BABAM2: variants seen among roughly 807,000 people sequenced by gnomAD.
The protein encoded by BABAM2 is BRISC and BRCA1-A complex member 2.
BABAM2 carries 31 observed loss-of-function variants against 54.7 expected under a neutral mutation model. The observed-to-expected ratio is 0.57, with a 90% CI of 0.43 to 0.77. The LOEUF (loss-of-function observed/expected upper bound fraction) is 0.77. Ranked by LOEUF, BABAM2 falls within the 30% of genes least tolerant of loss-of-function variation. BABAM2 has a pLI of 0.00. For synonymous variants in BABAM2, 167 were observed against 162.9 expected, an observed-to-expected ratio of 1.03 and a Z score of -0.19; for missense variants, 364 against 455.8, an observed-to-expected ratio of 0.80 and a Z score of 1.83.
chr2:28,027,734 C>T (rs1675978349), intron 5 of BABAM2, among the ~76,000 whole-genome samples: 1 of 152,142 alleles, frequency 6.6e-6, no homozygotes, highest in Non-Finnish European at 1.5e-5. Context: ...GTTGTTTCCA[C>T]TTTTTGACTT....
rs550884730 is a variant in BABAM2 at position 27,923,095 on chromosome 2, A to G, written c.129-6737A>G. Among the ~76,000 whole-genome samples the G allele has an allele frequency of 1.2e-3, 179 of 152,320 alleles. 1 individual carries two copies. The highest frequency in any genetic ancestry group is 1.4e-3 in the Non-Finnish European group (92 of 68,038). On this transcript the variant is annotated intron_variant, in intron 2 of 11. Coordinates refer to ENST00000379624, the MANE Select transcript of BABAM2 (RefSeq NM_199191.3). ...AACTGCCCAGCCAAGCCATTCCCAA[A>G]TTCCGACCCAAAGAAACTGTGAAAG...
At chr2:28,266,413 G>A (rs1010732055) in intron 10 of BABAM2, among the ~76,000 whole-genome samples, 2 of 152,238 alleles carry the variant, frequency 1.3e-5, no homozygotes, top group African/African-American at 4.8e-5. Flanking sequence ...TGGTCACTGA[G>A]TTAATTCAAA....
At chr2:27,936,542 C>T (rs560463093) in intron 3 of BABAM2, among the ~76,000 whole-genome samples, 14 of 152,230 alleles carry the variant, frequency 9.2e-5, no homozygotes, top group Non-Finnish European at 1.9e-4. Context: ...AGACTTGGAA[C>T]CAACCCAAAT....
At chr2:28,051,672 G>A (rs1206903694) in intron 6 of BABAM2, among the ~76,000 whole-genome samples, 1 of 151,640 alleles carries the variant, frequency 6.6e-6, no homozygotes, top group Non-Finnish European at 1.5e-5. Flanking sequence ...TTTTGAGACA[G>A]AGTTTTGCTC....
intron 7 of BABAM2, among the ~76,000 whole-genome samples, chr2:28,182,704 A>G (rs1169009194): frequency 1.3e-5 from 2 of 152,242 alleles, no homozygotes; most frequent in East Asian, 1.9e-4. Context: ...TGTAGACTAA[A>G]TAAATAACAT....
rs915464632 is a variant in BABAM2 at position 28,316,252 on chromosome 2, C to T, written c.1088+17761C>T. ...TTCCCCATATTTGGGGAAGGAGGCT[C>T]ACCTGCCTGCTAGCCTTGTCTCTCG... is the stretch of plus-strand genomic sequence containing the variant. On this transcript the variant is annotated intron_variant, in intron 11 of 11. Coordinates refer to ENST00000379624, the MANE Select transcript of BABAM2 (RefSeq NM_199191.3). 3.3e-5 allele frequency among the ~76,000 whole-genome samples: 5 copies of T among 152,112 alleles called. No individual in the cohort carries two copies. The South Asian group carries it at 6.2e-4, about 19-fold the overall frequency.
At chr2:28,117,926 G>T (rs1483075583) in intron 6 of BABAM2, among the ~76,000 whole-genome samples, 1 of 152,178 alleles carries the variant, frequency 6.6e-6, no homozygotes, top group African/African-American at 2.4e-5. Flanking sequence ...CGATTTAAGT[G>T]AATACATCTT....
chr2:27,932,931 C>T (rs534611420), intron 3 of BABAM2, among the ~76,000 whole-genome samples: 1 of 152,358 alleles, frequency 6.6e-6, no homozygotes, highest in African/African-American at 2.4e-5. Context: ...ATTAACTACT[C>T]TCCTCCCTTC....
At chr2:28,027,753 A>T (rs1389493328) in intron 5 of BABAM2, among the ~76,000 whole-genome samples, 2 of 152,196 alleles carry the variant, frequency 1.3e-5, no homozygotes, top group African/African-American at 2.4e-5. Context: ...TTTTATGAAT[A>T]ATGCTGCTGT....
At chr2:28,014,991 A>G (rs1228140656) in intron 4 of BABAM2, among the ~76,000 whole-genome samples, 1 of 152,198 alleles carries the variant, frequency 6.6e-6, no homozygotes, top group Non-Finnish European at 1.5e-5. Context: ...ACACATTCTA[A>G]TGCTAAAAAA....
intron 11 of BABAM2, among the ~76,000 whole-genome samples, chr2:28,326,487 C>G (rs1418796116): frequency 2.0e-5 from 3 of 152,166 alleles, no homozygotes; most frequent in African/African-American, 7.2e-5. Flanking sequence ...GCCCCCCACA[C>G]CCACCACCTG....
intron 3 of BABAM2, among the ~76,000 whole-genome samples, chr2:27,972,372 G>T (rs943518168): frequency 3.3e-5 from 5 of 152,156 alleles, no homozygotes; most frequent in African/African-American, 1.2e-4. Context: ...TTTTTCAACG[G>T]GTAATAACTG....
intron 3 of BABAM2, among the ~76,000 whole-genome samples, chr2:27,948,203 G>A (rs1013887161): frequency 7.9e-5 from 12 of 151,204 alleles, no homozygotes; most frequent in Non-Finnish European, 1.2e-4. Flanking sequence ...TTTTGATGCT[G>A]TTGAAAATTA....
At chr2:28,108,903 C>T (rs539677965) in intron 6 of BABAM2, among the ~76,000 whole-genome samples, 4 of 152,130 alleles carry the variant, frequency 2.6e-5, no homozygotes, top group Admixed American at 6.6e-5. Flanking sequence ...CTAATTAGCT[C>T]TACATATTGG....
chr2:28,172,845 A>C (rs1348421367), intron 7 of BABAM2, among the ~76,000 whole-genome samples: 1 of 152,242 alleles, frequency 6.6e-6, no homozygotes, highest in Non-Finnish European at 1.5e-5. Flanking sequence ...TCAGGCTGCC[A>C]TAACAAAGTG....
Position 28,264,100 on chromosome 2 carries a change from A to G in BABAM2, c.934+19238A>G, listed in dbSNP as rs190066181. On this transcript the variant is annotated intron_variant, in intron 10 of 11. Coordinates refer to ENST00000379624, the MANE Select transcript of BABAM2 (RefSeq NM_199191.3). ...TTCAGCTTTGTTTTCCAATAAAGAT[A>G]CAAGTTTAGTTCCATACTAGTCTTT... Among the ~76,000 whole-genome samples, 4 of 152,352 alleles carry G rather than the reference A, an allele frequency of 2.6e-5. No homozygotes were observed. The East Asian group carries it at 7.7e-4, about 29-fold the overall frequency.
rs4133152 is a variant in BABAM2, at chr2:28,052,962, T to A, written c.570+7163T>A. On this transcript the variant is annotated intron_variant, in intron 6 of 11. Coordinates refer to ENST00000379624, the MANE Select transcript of BABAM2 (RefSeq NM_199191.3). ...ATTTTTTTGTGGATGAATTCTTGCA[T>A]TGTCTTTTACTATTTGGAAATGCTT... Among the ~76,000 whole-genome samples, 236 of 152,332 alleles carry A rather than the reference T, an allele frequency of 1.5e-3. 4 individuals carry two copies. In the East Asian group the frequency reaches 0.039, roughly 25 times the overall value.
intron 4 of BABAM2, among the ~76,000 whole-genome samples, chr2:28,012,477 A>G (rs1057440355): frequency 1.3e-5 from 2 of 152,220 alleles, no homozygotes; most frequent in Non-Finnish European, 2.9e-5. Flanking sequence ...ATATTAATAC[A>G]TATATTTTTG....
At chr2:28,112,262 G>T (rs1668201153) in intron 6 of BABAM2, among the ~76,000 whole-genome samples, 2 of 143,076 alleles carry the variant, frequency 1.4e-5, no homozygotes, top group South Asian at 4.7e-4. Context: ...GAATGTGCAG[G>T]TTTGTTACAT....
Sources: gnomAD v4.1 joint callset for allele counts (sites outside exome capture counted in the v4.1 genomes callset) on GRCh38, gnomAD v4.1.1 for gene constraint, MANE v1.5 for transcripts, NCBI Gene and HGNC (gene_info 2026-07-23, HGNC 2026-07-21) for gene names.